RAP1GAP2: variants seen among roughly 807,000 people sequenced by gnomAD.
RAP1GAP2 encodes the protein RAP1 GTPase activating protein 2.
Under a neutral mutation model 95.0 loss-of-function variants are expected in RAP1GAP2, and 27 were observed. The observed-to-expected ratio is 0.28, with a 90% CI of 0.21 to 0.39. RAP1GAP2 has a LOEUF of 0.39. Ranked by LOEUF, RAP1GAP2 falls within the 10% of genes least tolerant of loss-of-function variation. The pLI, the probability that RAP1GAP2 is intolerant of heterozygous loss-of-function variation, is 1.00. For missense variants in RAP1GAP2, 771 were observed against 970.0 expected, an observed-to-expected ratio of 0.79 and a Z score of 2.72; for synonymous variants, 373 against 380.9, an observed-to-expected ratio of 0.98 and a Z score of 0.24.
chr17:2,891,927 G>A (rs1681391731), intron 2 of RAP1GAP2, among the ~76,000 whole-genome samples: 1 of 141,724 alleles, frequency 7.1e-6, no homozygotes, highest in Non-Finnish European at 1.5e-5. Flanking sequence ...CGGTTCAAGC[G>A]ATTCTCCTGC....
In RAP1GAP2 at chr17:2,986,230, T is replaced by C. The variant is rs75627755; in HGVS notation, c.813+1164T>C. The stretch of plus-strand genomic sequence containing the variant: ...GACATGCGTTTGCTTAAAAATATTC[T>C]AATTATATGAAGAGTTTAGGATCTG... On this transcript the variant is annotated intron_variant, in intron 11 of 24. Transcript: ENST00000254695. 4.6e-3 allele frequency among the ~76,000 whole-genome samples: 700 copies of C among 152,354 alleles called. 12 individuals are homozygous for C. Among genetic ancestry groups the C allele is most frequent in the African/African-American group, 0.016 (661 of 41,564 alleles).
chr17:2,830,437 C>T (rs918570411), intron 2 of RAP1GAP2, among the ~76,000 whole-genome samples: 2 of 145,270 alleles, frequency 1.4e-5, no homozygotes, highest in Non-Finnish European at 3.0e-5. Context: ...AAAAGATGGC[C>T]GGGTGTGGTG....
chr17:2,798,520 G>T (rs1408680769), intron 1 of RAP1GAP2, among the ~76,000 whole-genome samples: 1 of 152,120 alleles, frequency 6.6e-6, no homozygotes, highest in Admixed American at 6.5e-5. Context: ...CTGGGAGGGG[G>T]TGTCACGGAT....
intron 19 of RAP1GAP2, among the ~76,000 whole-genome samples, chr17:3,024,578 G>GA (rs1427157289): frequency 1.3e-5 from 2 of 151,836 alleles, no homozygotes; most frequent in Admixed American, 6.6e-5. Flanking sequence ...AGTGGGCCAT[G>GA]AAAAAAAATG....
At chr17:2,772,147 G>A (rs546727683), upstream of RAP1GAP2, among the ~76,000 whole-genome samples, 17 of 152,078 alleles carry the variant, frequency 1.1e-4, no homozygotes, top group South Asian at 2.9e-3. Flanking sequence ...GTGGCACCAC[G>A]CCCAGCTAAT....
upstream of RAP1GAP2, among the ~76,000 whole-genome samples, chr17:2,774,953 T>C (rs2068465750): frequency 6.6e-6 from 1 of 151,922 alleles, no homozygotes; most frequent in African/African-American, 2.4e-5. Flanking sequence ...CCTGAGTAGC[T>C]GGGATTACAG....
chr17:2,861,588 C>G (rs1337908619), intron 2 of RAP1GAP2, among the ~76,000 whole-genome samples: 1 of 151,842 alleles, frequency 6.6e-6, no homozygotes, highest in Non-Finnish European at 1.5e-5. Context: ...CTACCTCAGC[C>G]TCCCAAGTAG....
At position 2,810,790 on chromosome 17, in the gene RAP1GAP2, A is replaced by G. The variant is rs183586002; in HGVS notation, c.80+10240A>G. Among the ~76,000 whole-genome samples the G allele has an allele frequency of 2.2e-3, 340 of 152,084 alleles. 1 individual carries two copies. Among genetic ancestry groups the G allele is most frequent in the African/African-American group, 7.6e-3 (317 of 41,498 alleles). On this transcript the variant is annotated intron_variant, in intron 2 of 24. Transcript: ENST00000254695. ...GTGATCCGCCCGCCTCAGCCTCCCA[A>G]AGTGCTGGGATTACAGGCGTGAGCC...
At chr17:2,828,454 C>T (rs1044238373) in intron 2 of RAP1GAP2, among the ~76,000 whole-genome samples, 2 of 151,684 alleles carry the variant, frequency 1.3e-5, no homozygotes, top group South Asian at 2.1e-4. Flanking sequence ...GAAGGAGACC[C>T]GAAGGAAGAA....
intron 1 of RAP1GAP2, among the ~76,000 whole-genome samples, chr17:2,763,237 T>C (rs570914381): frequency 9.8e-5 from 15 of 152,330 alleles, no homozygotes; most frequent in African/African-American, 3.6e-4. Flanking sequence ...TGATCACTGT[T>C]CTTGCTGTGA....
intron 18 of RAP1GAP2, among the ~76,000 whole-genome samples, chr17:3,019,969 G>A (rs773858393): frequency 1.2e-4 from 18 of 152,370 alleles, no homozygotes; most frequent in Non-Finnish European, 1.9e-4. Flanking sequence ...TGTGGCCCTG[G>A]CTCTGCGGCT....
intron 2 of RAP1GAP2, among the ~76,000 whole-genome samples, chr17:2,889,765 C>G (rs1449770449): frequency 6.8e-6 from 1 of 147,312 alleles, no homozygotes; most frequent in Non-Finnish European, 1.5e-5. Context: ...TCATTGCAAC[C>G]TCTGCCTCCC....
intron 2 of RAP1GAP2, among the ~76,000 whole-genome samples, chr17:2,891,102 T>C (rs1162802964): frequency 6.6e-6 from 1 of 152,290 alleles, no homozygotes; most frequent in African/African-American, 2.4e-5. Flanking sequence ...GATTAACTCC[T>C]GTTTCTGCCA....
At chr17:2,757,999 A>G (rs1346417378) in intron 1 of RAP1GAP2, among the ~76,000 whole-genome samples, 1 of 151,712 alleles carries the variant, frequency 6.6e-6, no homozygotes, top group Non-Finnish European at 1.5e-5. Flanking sequence ...CCTCCTGAGT[A>G]GCTGGGACTA....
intron 2 of RAP1GAP2, among the ~76,000 whole-genome samples, chr17:2,832,525 T>C (rs1428647580): frequency 1.6e-5 from 2 of 127,060 alleles, no homozygotes; most frequent in Non-Finnish European, 3.1e-5. Context: ...GCCACTGCAC[T>C]CCAGCCTGGG....
At chr17:2,920,391 C>T (rs1212016820) in intron 3 of RAP1GAP2, among the ~76,000 whole-genome samples, 1 of 152,168 alleles carries the variant, frequency 6.6e-6, no homozygotes, top group Admixed American at 6.5e-5. Context: ...CCGCCCCAGG[C>T]ATGCCACCTG....
intron 1 of RAP1GAP2, 179 bp from the exon 2 acceptor site, chr17:2,800,336 T>G (rs1276640081): frequency 1.3e-6 from 1 of 787,758 alleles, no homozygotes; most frequent in Non-Finnish European, 1.5e-6. Context: ...TGGCCCCAGC[T>G]CTCCCAGCAC....
intron 2 of RAP1GAP2, among the ~76,000 whole-genome samples, chr17:2,823,040 C>T (rs1160377335): frequency 1.3e-5 from 2 of 152,070 alleles, no homozygotes; most frequent in East Asian, 3.8e-4. Context: ...AGGCACAGCC[C>T]TGTGGCGAGT....
chr17:2,994,814 A>T (rs1333145611), intron 12 of RAP1GAP2, among the ~76,000 whole-genome samples: 1 of 152,012 alleles, frequency 6.6e-6, no homozygotes, highest in African/African-American at 2.4e-5. Context: ...TTTGTGATTG[A>T]TTGGTTGATT....
Sources: gnomAD v4.1 joint callset for allele counts (sites outside exome capture counted in the v4.1 genomes callset) on GRCh38, gnomAD v4.1.1 for gene constraint, MANE v1.5 for transcripts, NCBI Gene and HGNC (gene_info 2026-07-23, HGNC 2026-07-21) for gene names.